SF3B1: variants seen among roughly 807,000 people sequenced by gnomAD.
SF3B1 encodes splicing factor 3b subunit 1, also known as pre-mRNA processing 10.
Under a neutral mutation model 153.8 loss-of-function variants are expected in SF3B1, and 12 were observed. The ratio of observed to expected loss-of-function variants is 0.08; its 90% confidence interval spans 0.05 to 0.13. The LOEUF is 0.13. Ranked by LOEUF, SF3B1 falls within the 10% of genes least tolerant of loss-of-function variation. The pLI is 1.00. For missense variants in SF3B1, 513 were observed against 1,606.1 expected, an observed-to-expected ratio of 0.32 and a Z score of 11.63; for synonymous variants, 498 against 525.2, an observed-to-expected ratio of 0.95 and a Z score of 0.71.
At chr2:197,404,320 C>G (rs1160029815) in intron 11 of SF3B1, among the ~76,000 whole-genome samples, 1 of 152,112 alleles carries the variant, frequency 6.6e-6, no homozygotes, top group Non-Finnish European at 1.5e-5. Flanking sequence ...TGGTTCACAC[C>G]TGTAATCCCA....
At chr2:197,419,064 GTTC>G in intron 4 of SF3B1, 2 of 799,482 alleles carry the variant, frequency 2.5e-6, no homozygotes, top group South Asian at 3.2e-5. Context: ...GACTAGATAA[GTTC>G]TTCATACAGT....
chr2:197,414,127 C>A (rs568967229), intron 6 of SF3B1, among the ~76,000 whole-genome samples: 1 of 152,180 alleles, frequency 6.6e-6, no homozygotes, highest in South Asian at 2.1e-4. Context: ...TTGCTTGAGC[C>A]AAACAGACAC....
intron 23 of SF3B1, among the ~76,000 whole-genome samples, chr2:197,395,747 CTAACTA>C (rs570689776): frequency 4.6e-5 from 7 of 152,176 alleles, no homozygotes; most frequent in Non-Finnish European, 8.8e-5. Context: ...ATCATGTCCT[CTAACTA>C]TATTTGACCA....
chr2:197,417,357 C>T lies in SF3B1; in HGVS notation c.496-446G>A, dbSNP rs149735955. Reference sequence around the variant, plus strand: ...AATATGCATAGTGATAATGGATGCACATTTAATTCACTCTGTACTGTTAAA... The same window carrying T: ...AATATGCATAGTGATAATGGATGCATATTTAATTCACTCTGTACTGTTAAA... On this transcript the variant is annotated intron_variant, in intron 5 of 24. Transcript: ENST00000335508. Among the ~76,000 whole-genome samples, 8 of 152,146 alleles carry T rather than the reference C, an allele frequency of 5.3e-5. No homozygotes were observed. The East Asian group carries it at 1.5e-3, about 29-fold the overall frequency.
rs2084941122 is a variant in SF3B1, at chr2:197,402,000, G to A, written c.2208C>T (p.Arg736=). 2 of 1,613,176 alleles carry A rather than the reference G, an allele frequency of 1.2e-6. No individual in the cohort carries two copies. The highest frequency in any genetic ancestry group is 4.5e-5 in the East Asian group (2 of 44,874). ...SVLKPLWKGI[R]QHRGKGLAAF... ...GTGGATTTACCTTTCCTCTGTGTTG[G>A]CGGATACCCTTCCATAAAGGCTTTA... Residue 736 remains arginine, a synonymous_variant, in exon 15 of 25, where the codon CGC becomes CGT. Transcript: ENST00000335508. The surrounding 1 kb of genome is among the most constrained non-coding windows in gnomAD (Gnocchi z 4.2).
At chr2:197,413,304 G>C (rs1283009097) in intron 6 of SF3B1, among the ~76,000 whole-genome samples, 2 of 152,200 alleles carry the variant, frequency 1.3e-5, no homozygotes, top group Non-Finnish European at 2.9e-5. Flanking sequence ...GGGAGGCTGA[G>C]GCACAAGAGT....
Position 197,421,081 on chromosome 2 carries a change from C to G in SF3B1, c.248G>C (p.Gly83Ala). Residue 83 changes from glycine to alanine, a missense_variant, in exon 3 of 25, where the codon GGA (glycine) becomes GCA (alanine). Physicochemically the swap from Gly to Ala is moderately conservative, Grantham distance 60. This residue lies in a region of SF3B1 where 56 missense variants were observed against 75.6 expected (regional missense o/e 0.74). Transcript: ENST00000335508. ...STSLLGQKKP[G>A]YHAPVALLND... ...AAGCAATGCCACAGGGGCATGATAT[C>G]CTGGCTTCTTCTGACCAAGCAAACT... The G allele has an allele frequency of 6.2e-7, 1 of 1,613,418 alleles. No homozygotes were observed.
At chr2:197,405,504 TCTTAA>T (rs777344139) in intron 9 of SF3B1, 32 bp from the exon 10 acceptor site, 2 of 1,482,238 alleles carry the variant, frequency 1.3e-6, no homozygotes, top group African/African-American at 2.8e-5. Context: ...TTTAGGATTT[TCTTAA>T]CTTAAAAAAC....
intron 2 of SF3B1, among the ~76,000 whole-genome samples, chr2:197,422,202 T>C (rs1168234917): frequency 2.6e-5 from 4 of 152,022 alleles, no homozygotes; most frequent in African/African-American, 9.7e-5. Context: ...AACTAGTCCA[T>C]GACTGGCTTC....
At chr2:197,410,415 G>GT (rs1431402633) in intron 6 of SF3B1, among the ~76,000 whole-genome samples, 1 of 151,716 alleles carries the variant, frequency 6.6e-6, no homozygotes, top group African/African-American at 2.4e-5. Flanking sequence ...GAAGGAATTC[G>GT]TGTGTTCTAA....
At chr2:197,425,684 TAAG>T (rs1182467704) in intron 1 of SF3B1, among the ~76,000 whole-genome samples, 1 of 151,554 alleles carries the variant, frequency 6.6e-6, no homozygotes, top group Non-Finnish European at 1.5e-5. Flanking sequence ...CATTTCCACA[TAAG>T]AAAGGAACAG....
At chr2:197,416,521 A>T in intron 6 of SF3B1, 1 of 440,214 alleles carries the variant, frequency 2.3e-6, no homozygotes, top group Non-Finnish European at 4.0e-6. Flanking sequence ...GCACAGAGAA[A>T]GGCCATGTGA....
chr2:197,420,727 T>C (rs374579753), intron 3 of SF3B1, among the ~76,000 whole-genome samples, 185 bp from the exon 4 acceptor site: 36 of 152,302 alleles, frequency 2.4e-4, no homozygotes, highest in African/African-American at 8.2e-4. Flanking sequence ...GTAATATACA[T>C]ATCCACATTT....
Position 197,396,244 on chromosome 2 carries a change from A to C in SF3B1, c.3351T>G (p.Ala1117=). 6.2e-7 allele frequency: 1 copy of C among 1,613,838 alleles called. No homozygotes were observed. The highest frequency in any genetic ancestry group is 8.5e-7 in the Non-Finnish European group (1 of 1,179,734). Reference sequence around the variant, plus strand: ...AGGGTGAACATGTTTCTGCAACAATAGCTATTGCTACAGTGGTACAAACTC... The same window carrying C: ...AGGGTGAACATGTTTCTGCAACAATCGCTATTGCTACAGTGGTACAAACTC... The part of the protein sequence containing the change: ...QNRVCTTVAI[A]IVAETCSPFT... Residue 1117 remains alanine, a synonymous_variant, in exon 23 of 25, where the codon GCT becomes GCG. Transcript: ENST00000335508.
rs1477649504 is a variant in SF3B1 at position 197,403,038 on chromosome 2, G to C, written c.1720-3C>G. 6.6e-7 allele frequency: 1 copy of C among 1,516,622 alleles called. No individual in the cohort carries two copies. Among genetic ancestry groups the C allele is most frequent in the Admixed American group, 1.9e-5 (1 of 52,500 alleles). 93.9% of individuals were successfully genotyped at this position (1,516,622 alleles called of 1,614,324 possible). On this transcript the variant is annotated splice_polypyrimidine_tract_variant and splice_region_variant and intron_variant, in intron 12 of 24. Coordinates refer to ENST00000335508, the MANE Select transcript of SF3B1 (RefSeq NM_012433.4). ...AGCGGTTCAATGACCACGAGGATCT[G>C]AAAAAGAGAAAAGAGAAGAAGCTAC... is the stretch of plus-strand genomic sequence containing the variant.
chr2:197,397,108 C>T (rs2084883685), intron 22 of SF3B1, among the ~76,000 whole-genome samples: 1 of 152,200 alleles, frequency 6.6e-6, no homozygotes, highest in Non-Finnish European at 1.5e-5. Context: ...CAAACCACCA[C>T]AGATTATCTC....
At position 197,423,799 on chromosome 2, in the gene SF3B1, G is replaced by A; in HGVS notation, c.195+9C>T. 6.2e-7 allele frequency: 1 copy of A among 1,611,608 alleles called. No individual in the cohort carries two copies. Among genetic ancestry groups the A allele is most frequent in the Non-Finnish European group, 8.5e-7 (1 of 1,179,148 alleles). ...AATAACTGCCTCTTGTACATAATTT[G>A]TAACTTACATCTTCAAGTTCAGTTG... On this transcript the variant is annotated intron_variant, in intron 2 of 24. Transcript: ENST00000335508.
At position 197,400,659 on chromosome 2, in the gene SF3B1, A is replaced by T. The variant is rs2105982161; in HGVS notation, c.2718+56T>A. 1 of 1,358,536 alleles carries T rather than the reference A, an allele frequency of 7.4e-7. No homozygotes were observed. Among genetic ancestry groups the T allele is most frequent in the Non-Finnish European group, 1.0e-6 (1 of 977,108 alleles). 84.2% of individuals were successfully genotyped at this position (1,358,536 alleles called of 1,614,324 possible). A position where few individuals can be genotyped will look rare whatever the true frequency, so the allele number is the denominator to read the frequency against. On this transcript the variant is annotated intron_variant, in intron 18 of 24. Coordinates refer to ENST00000335508, the MANE Select transcript of SF3B1 (RefSeq NM_012433.4). This position sits in a 1 kb window ranked among gnomAD's most constrained non-coding sequence, Gnocchi z 5.0. ...TAGAAAAATTTGCTTGACAACTAAT[A>T]TGCTTTTCTACAAATATTAAAGTTA...
chr2:197,398,143 T>A (rs987690813), intron 21 of SF3B1, 27 bp from the exon 22 acceptor site: 3 of 1,551,294 alleles, frequency 1.9e-6, no homozygotes, highest in Non-Finnish European at 1.8e-6. Flanking sequence ...ACATATTAAT[T>A]ATTGTGACAT....
Sources: gnomAD v4.1 joint callset for allele counts (sites outside exome capture counted in the v4.1 genomes callset) on GRCh38, gnomAD v4.1.1 for gene constraint, gnomAD v4.1.1 regional missense constraint, Gnocchi (gnomAD v3.1) non-coding constraint, MANE v1.5 for transcripts, NCBI Gene and HGNC (gene_info 2026-07-23, HGNC 2026-07-21) for gene names.